ALDH18A1: variants seen among roughly 807,000 people sequenced by gnomAD.
ALDH18A1 encodes the protein delta-1-pyrroline-5-carboxylate synthase.
A neutral mutation model predicts 88.8 loss-of-function variants in ALDH18A1; 44 were observed. That is an observed-to-expected ratio of 0.50 (90% CI 0.39 to 0.64). The LOEUF is 0.64. Ranked by LOEUF, ALDH18A1 falls within the 30% of genes least tolerant of loss-of-function variation. ALDH18A1 has a pLI of 0.00. For synonymous variants in ALDH18A1, 331 were observed against 372.1 expected, an observed-to-expected ratio of 0.89 and a Z score of 1.27; for missense variants, 782 against 1,009.5, an observed-to-expected ratio of 0.77 and a Z score of 3.05.
chr10:95,628,359 GA>G lies in ALDH18A1; in HGVS notation c.933+8del, dbSNP rs781044851. 5 of 1,614,014 alleles carry G rather than the reference GA, an allele frequency of 3.1e-6. No individual in the cohort carries two copies. The African/African-American group carries it at 6.7e-5, about 22-fold the overall frequency. ...ATTGTTATAGGCAGTTAAGGCACCA[GA>G]TTCTTACCTTGGCTTCCATGCCACC... On this transcript the variant is annotated splice_region_variant and intron_variant, in intron 8 of 17. Transcript: ENST00000371224.
intron 7 of ALDH18A1, among the ~76,000 whole-genome samples, chr10:95,629,504 G>T (rs1589524759): frequency 1.3e-5 from 2 of 152,184 alleles, no homozygotes; most frequent in African/African-American, 2.4e-5. Context: ...TACAGGAAAA[G>T]AAAAAATAAC....
At chr10:95,634,373 G>A (rs1486895542) in intron 5 of ALDH18A1, among the ~76,000 whole-genome samples, 1 of 152,090 alleles carries the variant, frequency 6.6e-6, no homozygotes, top group African/African-American at 2.4e-5. Context: ...TGAGTAACTG[G>A]GACTAAAGAT....
Position 95,637,133 on chromosome 10 carries a change from T to C in ALDH18A1, c.518A>G (p.Tyr173Cys), listed in dbSNP as rs2097882213. The C allele has an allele frequency of 6.2e-7, 1 of 1,614,010 alleles. No individual in the cohort carries two copies. The highest frequency in any genetic ancestry group is 8.5e-7 in the Non-Finnish European group (1 of 1,180,032). The change falls in exon 5 of 18, where the codon TAT becomes TGT. Residue 173 changes from tyrosine (Y) to cysteine (C), a missense_variant. Physicochemically the swap from Tyr to Cys is radical, Grantham distance 194. Coordinates refer to ENST00000371224, the MANE Select transcript of ALDH18A1 (RefSeq NM_002860.4). Reference protein sequence around the residue: ...AAGQSGLMALYEAMFTQYSIC... With the variant: ...AAGQSGLMALCEAMFTQYSIC... ...GCTGTACTGGGTAAACATAGCCTCA[T>C]ACAAGGCCATCAGCCCACTCTGTCC...
chr10:95,616,780 T>C (rs1382609510), intron 12 of ALDH18A1, 166 bp from the exon 13 acceptor site: 3 of 928,110 alleles, frequency 3.2e-6, no homozygotes, highest in Admixed American at 2.0e-5. Flanking sequence ...GTGCCTGTTT[T>C]ATCCCCTACT....
Position 95,633,451 on chromosome 10 carries a change from T to C in ALDH18A1, c.717+40A>G, listed in dbSNP as rs765925933. ...TGCATGCAGCATAGCATGGTGTTAG[T>C]GTCTCCAGCATGCTAAACCCTTAGA... On this transcript the variant is annotated intron_variant, in intron 6 of 17. Coordinates refer to ENST00000371224, the MANE Select transcript of ALDH18A1 (RefSeq NM_002860.4). 5.0e-6 allele frequency: 8 copies of C among 1,610,446 alleles called. No homozygotes were observed. In the South Asian group the frequency reaches 6.6e-5, roughly 13 times the overall value.
chr10:95,626,099 C>T (rs1386383182), intron 10 of ALDH18A1, among the ~76,000 whole-genome samples: 2 of 152,174 alleles, frequency 1.3e-5, no homozygotes, highest in Non-Finnish European at 2.9e-5. Context: ...AGCTAGGCTC[C>T]TCCTTTGCTT....
intron 3 of ALDH18A1, among the ~76,000 whole-genome samples, chr10:95,638,053 G>A (rs186697156): frequency 9.3e-4 from 141 of 152,180 alleles, no homozygotes; most frequent in South Asian, 1.5e-3. Context: ...TTGCTCTGTC[G>A]CCCAGGCTGG....
At chr10:95,609,166 C>T (rs942665642) in intron 17 of ALDH18A1, among the ~76,000 whole-genome samples, 1 of 152,196 alleles carries the variant, frequency 6.6e-6, no homozygotes. Flanking sequence ...TGAGCCACTG[C>T]GCCCGTTCTG....
At chr10:95,610,519 C>T (rs535965017) in intron 16 of ALDH18A1, among the ~76,000 whole-genome samples, 1 of 152,334 alleles carries the variant, frequency 6.6e-6, no homozygotes, top group Admixed American at 6.5e-5. Flanking sequence ...GAATCCAGAT[C>T]TCCCATGCAG....
In ALDH18A1 at chr10:95,621,381, A is replaced by G. The variant is rs1188563156; in HGVS notation, c.1247-130T>C. The G allele has an allele frequency of 4.3e-5, 36 of 828,186 alleles. 1 individual carries two copies. The highest frequency in any genetic ancestry group is 3.4e-4 in the Middle Eastern group (1 of 2,912). The allele number at this position is 828,186 out of a possible 1,614,324, so 51.3% of individuals were successfully genotyped here. On this transcript the variant is annotated intron_variant, in intron 11 of 17. Coordinates refer to ENST00000371224, the MANE Select transcript of ALDH18A1 (RefSeq NM_002860.4). ...GACGCCCAGGCTGGAGTGCAGTGGC[A>G]TGATCTAGGCCCAATGCAACCTCTG...
At chr10:95,653,456 C>T in intron 1 of ALDH18A1, 51 bp from the exon 2 acceptor site, 2 of 1,454,436 alleles carry the variant, frequency 1.4e-6, no homozygotes, top group Non-Finnish European at 1.9e-6. Context: ...CTGGACAATT[C>T]ATTTTATTTC....
At chr10:95,614,272 G>A (rs2097840830) in intron 13 of ALDH18A1, 111 bp from the exon 14 acceptor site, 11 of 1,180,642 alleles carry the variant, frequency 9.3e-6, no homozygotes, top group Non-Finnish European at 1.3e-5. Flanking sequence ...AACTAAGTGA[G>A]ACACTGTGAA....
At chr10:95,618,927 T>C (rs1033587661) in intron 12 of ALDH18A1, among the ~76,000 whole-genome samples, 1 of 152,162 alleles carries the variant, frequency 6.6e-6, no homozygotes, top group Non-Finnish European at 1.5e-5. Flanking sequence ...AGGTCTAAAA[T>C]GGACATATGA....
At chr10:95,650,452 G>A (rs1159561246) in intron 2 of ALDH18A1, among the ~76,000 whole-genome samples, 1 of 152,180 alleles carries the variant, frequency 6.6e-6, no homozygotes, top group Admixed American at 6.5e-5. Flanking sequence ...TTTGAATTAC[G>A]GGGGCAGATC....
chr10:95,653,257 C>T, intron 2 of ALDH18A1, 33 bp downstream of exon 2: 1 of 1,534,762 alleles, frequency 6.5e-7, no homozygotes, highest in Non-Finnish European at 9.0e-7. Flanking sequence ...TATCAAACGT[C>T]CCACATACTC....
At chr10:95,643,275 A>G in intron 2 of ALDH18A1, 69 bp from the exon 3 acceptor site, 3 of 1,481,856 alleles carry the variant, frequency 2.0e-6, no homozygotes, top group Middle Eastern at 2.1e-4. Context: ...AAAAATATAC[A>G]TGCTCAGTAT....
At chr10:95,607,286 G>T (rs1009296879) in intron 17 of ALDH18A1, among the ~76,000 whole-genome samples, 1 of 152,172 alleles carries the variant, frequency 6.6e-6, no homozygotes, top group Non-Finnish European at 1.5e-5. Context: ...GTTTTGAGGG[G>T]TACGACAATG....
chr10:95,644,461 G>GA (rs563661139), intron 2 of ALDH18A1, among the ~76,000 whole-genome samples: 6 of 152,102 alleles, frequency 3.9e-5, no homozygotes, highest in Non-Finnish European at 2.9e-5. Flanking sequence ...TTCTAAGGAG[G>GA]AAAAAAATCT....
intron 7 of ALDH18A1, among the ~76,000 whole-genome samples, chr10:95,630,115 C>CA (rs2097866246): frequency 1.2e-5 from 1 of 81,664 alleles, no homozygotes; most frequent in Non-Finnish European, 3.1e-5. Flanking sequence ...CTTCTTCTTT[C>CA]CCCCCCCTCT....
Sources: allele counts gnomAD v4.1 joint callset (sites outside exome capture counted in the v4.1 genomes callset), GRCh38; gene constraint gnomAD v4.1.1; transcripts MANE v1.5; gene names NCBI Gene and HGNC (gene_info 2026-07-23, HGNC 2026-07-21).